EFCAB11: variants seen among roughly 807,000 people sequenced by gnomAD.
The protein encoded by EFCAB11 is EF-hand calcium-binding domain-containing protein 11.
A neutral mutation model predicts 23.0 loss-of-function variants in EFCAB11; 14 were observed. The ratio of observed to expected loss-of-function variants is 0.61; its 90% CI spans 0.40 to 0.95. The LOEUF is 0.95. Among genes scored for constraint, EFCAB11 ranks in the 40% least tolerant of loss-of-function variants. The probability of loss-of-function intolerance (pLI) is 0.00; values close to 1 mark genes in which losing one functional copy is unlikely to be tolerated. For synonymous variants in EFCAB11, 65 were observed against 66.6 expected (o/e 0.98, Z 0.11); for missense variants, 198 against 195.8 (o/e 1.01, Z -0.07).
intron 5 of EFCAB11, among the ~76,000 whole-genome samples, chr14:89,841,738 T>C (rs1887275686): frequency 6.6e-6 from 1 of 152,050 alleles, no homozygotes; most frequent in Non-Finnish European, 1.5e-5. Context: ...TTGCACACTC[T>C]CCTTTCTTTA....
chr14:89,834,375 CAAAAAAAA>C (rs5810476), intron 5 of EFCAB11, among the ~76,000 whole-genome samples: 6 of 32,446 alleles, frequency 1.8e-4, no homozygotes, highest in Non-Finnish European at 3.2e-4. Context: ...GACTCCGTCT[CAAAAAAAA>C]AAAAAAAAAA....
chr14:89,827,383 A>G (rs142482866), intron 5 of EFCAB11, among the ~76,000 whole-genome samples: 2 of 152,276 alleles, frequency 1.3e-5, no homozygotes, highest in East Asian at 3.9e-4. Flanking sequence ...TGAGCCTCAC[A>G]GGAACTGCAA....
At chr14:89,878,435 T>A (rs1035554549) in intron 5 of EFCAB11, among the ~76,000 whole-genome samples, 2 of 152,122 alleles carry the variant, frequency 1.3e-5, no homozygotes, top group Admixed American at 1.3e-4. Flanking sequence ...TATTTAAATA[T>A]TTACAATAAA....
At chr14:89,953,193 C>A (rs1251180345) in intron 2 of EFCAB11, among the ~76,000 whole-genome samples, 3 of 149,818 alleles carry the variant, frequency 2.0e-5, no homozygotes, top group African/African-American at 7.4e-5. Flanking sequence ...TGTATCATTG[C>A]AGCAATGTTG....
chr14:89,840,658 G>C (rs1431822002), intron 5 of EFCAB11, among the ~76,000 whole-genome samples: 1 of 152,130 alleles, frequency 6.6e-6, no homozygotes, highest in Non-Finnish European at 1.5e-5. Context: ...CATTTAATTT[G>C]TGGTTCTCTG....
chr14:89,816,316 TCAGCAAACAAGG>T, intron 5 of EFCAB11, among the ~76,000 whole-genome samples: 1 of 152,288 alleles, frequency 6.6e-6, no homozygotes, highest in South Asian at 2.1e-4. Context: ...AAATATGTTG[TCAGCAAACAAGG>T]ATAATTTGAC....
intron 5 of EFCAB11, among the ~76,000 whole-genome samples, chr14:89,920,956 T>C (rs1890003711): frequency 1.3e-5 from 2 of 151,214 alleles, no homozygotes; most frequent in Non-Finnish European, 2.9e-5. Context: ...TCCCAGCTAC[T>C]TGGGAGGCTG....
At chr14:89,862,071 A>G (rs1185191979) in intron 5 of EFCAB11, among the ~76,000 whole-genome samples, 1 of 152,216 alleles carries the variant, frequency 6.6e-6, no homozygotes, top group African/African-American at 2.4e-5. Context: ...CATCTGGATC[A>G]CACTCTCTTG....
At chr14:89,890,780 T>C (rs990159131) in intron 5 of EFCAB11, among the ~76,000 whole-genome samples, 2 of 152,198 alleles carry the variant, frequency 1.3e-5, no homozygotes, top group African/African-American at 4.8e-5. Context: ...AGGCATTCAC[T>C]CACATCGTGC....
intron 5 of EFCAB11, among the ~76,000 whole-genome samples, chr14:89,930,247 G>A (rs11845327): frequency 0.19 from 28,693 of 152,182 alleles, 3,151 homozygotes; most frequent in South Asian, 0.32. Context: ...TAATGATAAT[G>A]ACTGCAAATC....
At chr14:89,921,661 T>C (rs1391379777) in intron 5 of EFCAB11, among the ~76,000 whole-genome samples, 1 of 151,908 alleles carries the variant, frequency 6.6e-6, no homozygotes, top group Non-Finnish European at 1.5e-5. Flanking sequence ...AACGATGGGG[T>C]AGGAGGTAGG....
At chr14:89,943,564 A>G (rs1047066708) in intron 3 of EFCAB11, among the ~76,000 whole-genome samples, 1 of 152,190 alleles carries the variant, frequency 6.6e-6, no homozygotes, top group Non-Finnish European at 1.5e-5. Context: ...TTCAAGATCC[A>G]AACATTAAGA....
At chr14:89,916,496 A>T (rs957952472) in intron 5 of EFCAB11, among the ~76,000 whole-genome samples, 1 of 152,240 alleles carries the variant, frequency 6.6e-6, no homozygotes, top group Non-Finnish European at 1.5e-5. Flanking sequence ...AAAGCCTCCA[A>T]GTCTAAATCT....
At chr14:89,897,794 C>T (rs79904806) in intron 5 of EFCAB11, among the ~76,000 whole-genome samples, 4,844 of 152,182 alleles carry the variant, frequency 0.032, 121 homozygotes, top group African/African-American at 0.069. Flanking sequence ...TTAATTTATG[C>T]AAACTTAATA....
At chr14:89,810,852 G>A (rs1886129848) in intron 5 of EFCAB11, among the ~76,000 whole-genome samples, 1 of 152,020 alleles carries the variant, frequency 6.6e-6, no homozygotes, top group Admixed American at 6.6e-5. Context: ...AGTAGGTTCT[G>A]AAGATAAATG....
chr14:89,822,628 G>T (rs184099266), intron 5 of EFCAB11, among the ~76,000 whole-genome samples: 1 of 152,158 alleles, frequency 6.6e-6, no homozygotes, highest in Non-Finnish European at 1.5e-5. Context: ...GTCAAATATT[G>T]TATGGACACA....
intron 5 of EFCAB11, among the ~76,000 whole-genome samples, chr14:89,822,987 G>C (rs778466554): frequency 6.6e-6 from 1 of 152,130 alleles, no homozygotes; most frequent in Non-Finnish European, 1.5e-5. Context: ...CATAATGGTT[G>C]TAATTGTGAT....
At chr14:89,834,670 C>T (rs966365179) in intron 5 of EFCAB11, among the ~76,000 whole-genome samples, 2 of 152,190 alleles carry the variant, frequency 1.3e-5, no homozygotes, top group Admixed American at 6.5e-5. Flanking sequence ...CCCAATACTG[C>T]AAGGACTGAA....
At chr14:89,875,835 G>T (rs1393802182) in intron 5 of EFCAB11, among the ~76,000 whole-genome samples, 3 of 152,152 alleles carry the variant, frequency 2.0e-5, no homozygotes, top group African/African-American at 7.2e-5. Flanking sequence ...ATATCCCAGA[G>T]AAGTATACTG....
Sources: allele counts gnomAD v4.1 joint callset (sites outside exome capture counted in the v4.1 genomes callset), GRCh38; gene constraint gnomAD v4.1.1; transcripts MANE v1.5; gene names NCBI Gene and HGNC (gene_info 2026-07-23, HGNC 2026-07-21).